KLRG1: variants seen among roughly 807,000 people sequenced by gnomAD.
The protein encoded by KLRG1 is killer cell lectin-like receptor subfamily G member 1.
A neutral mutation model predicts 21.8 loss-of-function variants in KLRG1; 16 were observed. The ratio of observed to expected loss-of-function variants is 0.73; its 90% CI spans 0.50 to 1.11. The LOEUF (loss-of-function observed/expected upper bound fraction) is 1.11. Ranked by LOEUF, KLRG1 falls within the 50% of genes most tolerant of loss-of-function variation. The probability of loss-of-function intolerance (pLI) is 0.00; values close to 1 mark genes in which losing one functional copy is unlikely to be tolerated. For missense variants in KLRG1, 173 were observed against 218.3 expected, an observed-to-expected ratio of 0.79 and a Z score of 1.31; for synonymous variants, 69 against 75.9, an observed-to-expected ratio of 0.91 and a Z score of 0.47.
rs763365858 is a variant in KLRG1, at chr12:8,955,237, A to C, written c.-156+5001A>C. Among the ~76,000 whole-genome samples, 3 of 152,184 alleles carry C rather than the reference A, an allele frequency of 2.0e-5. No homozygotes were observed. The South Asian group carries it at 6.2e-4, about 32-fold the overall frequency. On this transcript the variant is annotated intron_variant, in intron 1 of 4. Transcript: ENST00000539240. ...CGAAATATACAACTCTTAAGGATAC[A>C]ATTCAATTTATTTTGACAAATGCAT... is the stretch of plus-strand genomic sequence containing the variant.
At chr12:9,096,697 G>A in the KLRG1 span, among the ~76,000 whole-genome samples, 2 of 152,220 alleles carry the variant, frequency 1.3e-5, no homozygotes, top group African/African-American at 4.8e-5. Context: ...AAGAACAGAT[G>A]AGCAAAGTGA....
chr12:9,154,802 C>G, the KLRG1 span: 1 of 1,614,072 alleles, frequency 6.2e-7, no homozygotes, highest in Admixed American at 1.7e-5. Flanking sequence ...CCACTGGTGC[C>G]TTGGGTCTCT....
chr12:9,160,096 T>C, the KLRG1 span: 1 of 1,415,330 alleles, frequency 7.1e-7, no homozygotes, highest in African/African-American at 1.4e-5. Flanking sequence ...TTTAGGCTCA[T>C]GCATCCAGGC....
downstream of KLRG1, among the ~76,000 whole-genome samples, chr12:9,013,557 C>T (rs1044008357): frequency 3.3e-5 from 5 of 152,156 alleles, no homozygotes; most frequent in Non-Finnish European, 7.4e-5. Flanking sequence ...GTTTAGTGGA[C>T]TCACAGTTCC....
At chr12:9,120,838 T>A in the KLRG1 span, among the ~76,000 whole-genome samples, 2 of 134,072 alleles carry the variant, frequency 1.5e-5, no homozygotes, top group African/African-American at 5.4e-5. Flanking sequence ...TTCTCATTTG[T>A]GCTATCCCAC....
At chr12:9,215,162 T>C in the KLRG1 span, among the ~76,000 whole-genome samples, 1 of 152,074 alleles carries the variant, frequency 6.6e-6, no homozygotes, top group African/African-American at 2.4e-5. Flanking sequence ...TGCTTCTTTA[T>C]GCTTGCTGAA....
At chr12:9,068,785 C>A in the KLRG1 span, 1 of 1,609,388 alleles carries the variant, frequency 6.2e-7, no homozygotes, top group Non-Finnish European at 8.5e-7. Context: ...GGTTTCAGAT[C>A]TCTTACTGGG....
chr12:9,183,064 G>A, the KLRG1 span, among the ~76,000 whole-genome samples: 1 of 152,096 alleles, frequency 6.6e-6, no homozygotes, highest in Non-Finnish European at 1.5e-5. Flanking sequence ...AAATAATGTA[G>A]GACAAGGACA....
the KLRG1 span, among the ~76,000 whole-genome samples, chr12:9,195,425 TCTTTTC>T: frequency 6.6e-6 from 1 of 150,720 alleles, no homozygotes; most frequent in Non-Finnish European, 1.5e-5. Context: ...CCTTTTTCCT[TCTTTTC>T]CTTTTCCTTC....
At chr12:9,029,953 C>T in the KLRG1 span, among the ~76,000 whole-genome samples, 3 of 152,200 alleles carry the variant, frequency 2.0e-5, no homozygotes, top group South Asian at 6.2e-4. Context: ...AGGGTTTCGC[C>T]ATATTGGCCA....
At chr12:8,957,014 G>A (rs75752080) in intron 1 of KLRG1, among the ~76,000 whole-genome samples, 76 of 152,320 alleles carry the variant, frequency 5.0e-4, no homozygotes, top group Non-Finnish European at 1.0e-3. Context: ...CCAGCCCAGT[G>A]GTCACGAGTG....
the KLRG1 span, chr12:9,072,859 C>T: frequency 8.7e-6 from 14 of 1,613,656 alleles, no homozygotes; most frequent in Non-Finnish European, 1.2e-5. Context: ...GCATGGAGAG[C>T]CACCACTGTG....
chr12:8,969,269 G>A (rs1028867775), intron 1 of KLRG1, among the ~76,000 whole-genome samples: 1 of 152,246 alleles, frequency 6.6e-6, no homozygotes, highest in Non-Finnish European at 1.5e-5. Flanking sequence ...AAAGTGGAGT[G>A]TGAAAATGGT....
At chr12:9,190,726 A>T in the KLRG1 span, among the ~76,000 whole-genome samples, 339 of 152,318 alleles carry the variant, frequency 2.2e-3, 3 homozygotes, top group African/African-American at 7.8e-3. Flanking sequence ...ATAAATAATA[A>T]AATTTGAGAA....
chr12:9,060,758 T>A, the KLRG1 span, among the ~76,000 whole-genome samples: 2 of 152,248 alleles, frequency 1.3e-5, no homozygotes, highest in Non-Finnish European at 2.9e-5. Flanking sequence ...CTACAAAGGA[T>A]GCTAACCAGA....
At chr12:9,072,789 A>G in the KLRG1 span, 1 of 1,614,072 alleles carries the variant, frequency 6.2e-7, no homozygotes, top group African/African-American at 1.3e-5. Flanking sequence ...TGAAGACTGG[A>G]TAGTCACCTG....
the KLRG1 span, among the ~76,000 whole-genome samples, chr12:9,101,957 G>T: frequency 6.6e-6 from 1 of 152,104 alleles, no homozygotes; most frequent in South Asian, 2.1e-4. Context: ...AAATTTCTTT[G>T]ACTGCTTTAC....
upstream of KLRG1, among the ~76,000 whole-genome samples, chr12:8,985,171 GT>G (rs35689537): frequency 0.97 from 141,368 of 145,214 alleles, 68,878 homozygotes; most frequent in South Asian, 1. Flanking sequence ...GTTTCTCAGT[GT>G]TTTTTTTTTT....
At chr12:9,196,901 TG>T in the KLRG1 span, 2 of 907,524 alleles carry the variant, frequency 2.2e-6, no homozygotes, top group African/African-American at 1.7e-5. Context: ...CGTTTTTTGG[TG>T]GGGGATATTT....
Sources: allele counts gnomAD v4.1 joint callset (sites outside exome capture counted in the v4.1 genomes callset), GRCh38; gene constraint gnomAD v4.1.1; transcripts MANE v1.5; gene names NCBI Gene and HGNC (gene_info 2026-07-23, HGNC 2026-07-21).